The following PRUNE2 variants were observed in gnomAD, a reference collection of about 807,000 sequenced individuals.
The protein encoded by PRUNE2 is prune homolog 2 with BCH domain.
Under a neutral mutation model 252.0 loss-of-function variants are expected in PRUNE2, and 164 were observed. That is an observed-to-expected ratio of 0.65 (90% confidence interval 0.57 to 0.74). PRUNE2 has a LOEUF of 0.74. Among genes scored for constraint, PRUNE2 ranks in the 30% least tolerant of loss-of-function variants. The probability of loss-of-function intolerance (pLI) is 0.00; values close to 1 mark genes in which losing one functional copy is unlikely to be tolerated. For missense variants in PRUNE2, 3,495 were observed against 3,711.0 expected, an observed-to-expected ratio of 0.94 and a Z score of 1.51; for synonymous variants, 1,292 against 1,350.2, an observed-to-expected ratio of 0.96 and a Z score of 0.94.
At chr9:76,807,051 TGCGCGCGCGC>T (rs139801181) in intron 6 of PRUNE2, among the ~76,000 whole-genome samples, 1 of 139,454 alleles carries the variant, frequency 7.2e-6, no homozygotes, top group African/African-American at 2.8e-5. Flanking sequence ...TGTGTGTGTG[TGCGCGCGCGC>T]GTGTGTCTGT....
intron 9 of PRUNE2, among the ~76,000 whole-genome samples, chr9:76,658,195 C>T (rs796302862): frequency 2.6e-4 from 39 of 152,288 alleles, no homozygotes; most frequent in African/African-American, 8.2e-4. Flanking sequence ...CCCATCTCTA[C>T]TAAAAATACA....
At position 76,882,886 on chromosome 9, in the gene PRUNE2, G is replaced by GT. The variant is rs754848545; in HGVS notation, c.36+23041dup. Among the ~76,000 whole-genome samples, 111 of 152,332 alleles carry GT rather than the reference G, an allele frequency of 7.3e-4. No individual in the cohort carries two copies. The Middle Eastern group carries it at 0.027, about 37-fold the overall frequency. On this transcript the variant is annotated intron_variant, in intron 1 of 18. Transcript: ENST00000376718. ...GTTTTTGGTTTAGAGGAAATGAGTA[G>GT]TTTGGTACAGTGGGAGATAAAAATA...
intron 1 of PRUNE2, among the ~76,000 whole-genome samples, chr9:76,876,405 TG>T (rs1289350052): frequency 1.3e-5 from 2 of 152,154 alleles, no homozygotes; most frequent in Admixed American, 6.5e-5. Flanking sequence ...TGACCCTTTT[TG>T]GGGGCCAGAT....
chr9:76,879,977 A>C (rs1222555209), intron 1 of PRUNE2, among the ~76,000 whole-genome samples: 1 of 125,754 alleles, frequency 8.0e-6, no homozygotes, highest in Non-Finnish European at 1.6e-5. Context: ...GCAGTGGTGC[A>C]ATCTCGACTC....
intron 9 of PRUNE2, among the ~76,000 whole-genome samples, chr9:76,679,815 A>G (rs2043226230): frequency 6.6e-6 from 1 of 152,230 alleles, no homozygotes; most frequent in Admixed American, 6.5e-5. Context: ...ATCCACATGT[A>G]AAAGAATGAA....
In PRUNE2 at chr9:76,707,150, G is replaced by A. The variant is rs776735127; in HGVS notation, c.5124C>T (p.His1708=). 1.2e-5 allele frequency: 19 copies of A among 1,613,718 alleles called. No individual in the cohort carries two copies. Among genetic ancestry groups the A allele is most frequent in the East Asian group, 4.5e-5 (2 of 44,892 alleles). The change falls in exon 8 of 19, where the codon CAC becomes CAT. Residue 1708 remains histidine (H), a synonymous_variant. Transcript: ENST00000376718. ...AAGCTCTGGATTCATCCTCAGCAAC[G>A]TGGCAGTTGGCCACCTGGATCTCTT... ...IEEEIQVANC[H]VAEDESRAWD...
At chr9:76,735,987 C>T (rs557457254) in intron 6 of PRUNE2, among the ~76,000 whole-genome samples, 46 of 152,312 alleles carry the variant, frequency 3.0e-4, no homozygotes, top group Admixed American at 5.9e-4. Flanking sequence ...CTGATAAGAA[C>T]ATACAAGGAA....
rs143588779 is a variant in PRUNE2, at chr9:76,815,023, C to A, written c.756+8609G>T. 3.3e-3 allele frequency among the ~76,000 whole-genome samples: 499 copies of A among 152,244 alleles called. 3 individuals carry two copies. The highest frequency in any genetic ancestry group is 0.011 in the African/African-American group (468 of 41,542). On this transcript the variant is annotated intron_variant, in intron 6 of 18. Coordinates refer to ENST00000376718, the MANE Select transcript of PRUNE2 (RefSeq NM_015225.3). ...CCTGTTGATGAAGTCGTATCCTCAT[C>A]ATACCTTATTTCACTGTTTCATTCC...
intron 16 of PRUNE2, among the ~76,000 whole-genome samples, chr9:76,628,465 T>C (rs1051628075): frequency 6.6e-6 from 1 of 152,200 alleles, no homozygotes; most frequent in African/African-American, 2.4e-5. Flanking sequence ...TTCTTTCTAT[T>C]TTCCTAGCAT....
intron 1 of PRUNE2, among the ~76,000 whole-genome samples, chr9:76,902,161 T>C (rs73653250): frequency 2.8e-3 from 432 of 152,312 alleles, no homozygotes; most frequent in African/African-American, 9.1e-3. Flanking sequence ...TACTTCATTT[T>C]TTCCCCCCAA....
intron 4 of PRUNE2, among the ~76,000 whole-genome samples, chr9:76,840,752 G>C (rs1479167675): frequency 6.6e-6 from 1 of 152,138 alleles, no homozygotes; most frequent in African/African-American, 2.4e-5. Context: ...AGGCTGAGGC[G>C]GGCAGATCAC....
intron 9 of PRUNE2, among the ~76,000 whole-genome samples, chr9:76,658,345 C>A (rs1850029192): frequency 6.6e-6 from 1 of 152,060 alleles, no homozygotes; most frequent in South Asian, 2.1e-4. Context: ...GCAAAAAGAG[C>A]AAAACTCCGT....
intron 1 of PRUNE2, among the ~76,000 whole-genome samples, chr9:76,876,555 C>T (rs2061487920): frequency 6.6e-6 from 1 of 152,100 alleles, no homozygotes; most frequent in African/African-American, 2.4e-5. Flanking sequence ...CTACTCGGGG[C>T]TCCTCCCTCC....
At chr9:76,771,477 C>T (rs1156868084) in intron 6 of PRUNE2, among the ~76,000 whole-genome samples, 2 of 152,138 alleles carry the variant, frequency 1.3e-5, no homozygotes, top group African/African-American at 4.8e-5. Flanking sequence ...GAGACAGACA[C>T]AAACTGCAGC....
intron 9 of PRUNE2, among the ~76,000 whole-genome samples, chr9:76,666,768 G>A (rs1175756518): frequency 6.6e-6 from 1 of 152,100 alleles, no homozygotes; most frequent in Non-Finnish European, 1.5e-5. Context: ...TCTTTGTCTT[G>A]TGTCTTTATT....
At chr9:76,849,410 T>C (rs2059834955) in intron 3 of PRUNE2, among the ~76,000 whole-genome samples, 1 of 152,232 alleles carries the variant, frequency 6.6e-6, no homozygotes. Context: ...ACTACTGAGA[T>C]TTCTTTCCTA....
At chr9:76,800,047 CTCTT>C (rs753043779) in intron 6 of PRUNE2, among the ~76,000 whole-genome samples, 98 of 152,182 alleles carry the variant, frequency 6.4e-4, no homozygotes, top group Non-Finnish European at 1.1e-3. Flanking sequence ...TCAGCCCTCT[CTCTT>C]TCTTTTTTTT....
chr9:76,731,320 A>AT (rs1588898625), intron 6 of PRUNE2, among the ~76,000 whole-genome samples: 5 of 101,638 alleles, frequency 4.9e-5, no homozygotes, highest in Admixed American at 1.2e-4. Context: ...CTATATATAT[A>AT]TATATTTTTT....
At chr9:76,774,967 C>A (rs2053579237) in intron 6 of PRUNE2, among the ~76,000 whole-genome samples, 1 of 152,096 alleles carries the variant, frequency 6.6e-6, no homozygotes, top group South Asian at 2.1e-4. Flanking sequence ...ATATCTACTA[C>A]ACAGATGAGT....
Sources: allele counts gnomAD v4.1 joint callset (sites outside exome capture counted in the v4.1 genomes callset), GRCh38; gene constraint gnomAD v4.1.1; transcripts MANE v1.5; gene names NCBI Gene and HGNC (gene_info 2026-07-23, HGNC 2026-07-21).